The following SYN3 variants were observed in gnomAD, a reference collection of about 807,000 sequenced individuals.
The protein encoded by SYN3 is synapsin-3.
A neutral mutation model predicts 65.8 loss-of-function variants in SYN3; 35 were observed. The ratio of observed to expected loss-of-function variants is 0.53; its 90% confidence interval spans 0.41 to 0.70. The LOEUF (loss-of-function observed/expected upper bound fraction) is 0.70. SYN3 is among the 30% of genes least tolerant of loss of function. SYN3 has a pLI of 0.00. For synonymous variants in SYN3, 270 were observed against 292.9 expected (o/e 0.92, Z 0.80); for missense variants, 680 against 749.0 (o/e 0.91, Z 1.08).
At chr22:32,547,156 C>T (rs901158366) in intron 7 of SYN3, among the ~76,000 whole-genome samples, 4 of 151,752 alleles carry the variant, frequency 2.6e-5, no homozygotes, top group East Asian at 1.9e-4. Context: ...TTTTCTTTGT[C>T]GTATTTTTTG....
intron 6 of SYN3, among the ~76,000 whole-genome samples, chr22:32,620,416 CTT>C (rs2059578061): frequency 6.6e-6 from 1 of 152,044 alleles, no homozygotes; most frequent in Non-Finnish European, 1.5e-5. Flanking sequence ...CTCAGTTTGC[CTT>C]TTGTTTCTTC....
At chr22:32,964,738 C>G (rs2051773332) in intron 3 of SYN3, among the ~76,000 whole-genome samples, 1 of 152,164 alleles carries the variant, frequency 6.6e-6, no homozygotes, top group Non-Finnish European at 1.5e-5. Context: ...AAAAGCACAT[C>G]ACTGAACTAA....
intron 2 of SYN3, among the ~76,000 whole-genome samples, chr22:33,004,950 T>TG (rs201768025): frequency 0.015 from 2,229 of 152,258 alleles, 57 homozygotes; most frequent in African/African-American, 0.051. Flanking sequence ...ATTTGAATCC[T>TG]GGGGGTGGTT....
intron 7 of SYN3, among the ~76,000 whole-genome samples, chr22:32,575,314 G>A (rs190304537): frequency 1.3e-5 from 2 of 152,354 alleles, no homozygotes; most frequent in African/African-American, 4.8e-5. Flanking sequence ...CCCAATACTT[G>A]TGATTCCATG....
At chr22:33,023,606 C>T (rs2053593663) in intron 1 of SYN3, among the ~76,000 whole-genome samples, 1 of 152,130 alleles carries the variant, frequency 6.6e-6, no homozygotes, top group African/African-American at 2.4e-5. Context: ...GTCGCAGCAA[C>T]TCAGGAGGCT....
chr22:32,694,389 T>G (rs1033622778), intron 6 of SYN3, among the ~76,000 whole-genome samples: 1 of 152,196 alleles, frequency 6.6e-6, no homozygotes, highest in African/African-American at 2.4e-5. Flanking sequence ...CTGTTTAGCC[T>G]TAGTTTGGTA....
At chr22:32,897,882 C>T (rs931254059) in intron 4 of SYN3, among the ~76,000 whole-genome samples, 15 of 152,130 alleles carry the variant, frequency 9.9e-5, no homozygotes, top group African/African-American at 1.2e-4. Context: ...TGCAGTGGTG[C>T]GATCACAGCT....
intron 6 of SYN3, among the ~76,000 whole-genome samples, chr22:32,637,740 C>T (rs1342495793): frequency 2.7e-5 from 4 of 147,608 alleles, no homozygotes; most frequent in African/African-American, 7.5e-5. Flanking sequence ...AAGGCTTAAG[C>T]GACTCTCCTG....
At chr22:32,994,290 C>T (rs913243755) in intron 2 of SYN3, among the ~76,000 whole-genome samples, 2 of 152,034 alleles carry the variant, frequency 1.3e-5, no homozygotes, top group African/African-American at 4.8e-5. Context: ...CCCCAGACAC[C>T]AGGGCCAGGA....
Position 32,900,092 on chromosome 22 carries a change from A to C in SYN3, c.462-30967T>G, listed in dbSNP as rs1377740843. Among the ~76,000 whole-genome samples the C allele has an allele frequency of 1.3e-5, 2 of 151,722 alleles. 1 individual carries two copies. Among genetic ancestry groups the C allele is most frequent in the Non-Finnish European group, 2.9e-5 (2 of 67,964 alleles). On this transcript the variant is annotated intron_variant, in intron 4 of 13. Coordinates refer to ENST00000358763, the MANE Select transcript of SYN3 (RefSeq NM_003490.4). ...TCCGTCTCAAAAAAAAAAAAAAAAA[A>C]AACAAGGAAGTCAGATGGTATACTT...
intron 7 of SYN3, among the ~76,000 whole-genome samples, chr22:32,570,591 G>A (rs928748241): frequency 6.6e-6 from 1 of 151,300 alleles, no homozygotes; most frequent in African/African-American, 2.4e-5. Flanking sequence ...GAGGGAGAGG[G>A]TGGGGTGCTG....
intron 6 of SYN3, among the ~76,000 whole-genome samples, chr22:32,615,497 G>C (rs2146713291): frequency 6.6e-6 from 1 of 151,458 alleles, no homozygotes; most frequent in South Asian, 2.1e-4. Context: ...AGTCAGGGAG[G>C]GAACAACAGG....
In SYN3 at chr22:32,895,482, A is replaced by G. The variant is rs144888461; in HGVS notation, c.462-26357T>C. Among the ~76,000 whole-genome samples, 47 of 152,340 alleles carry G rather than the reference A, an allele frequency of 3.1e-4. No individual in the cohort carries two copies. In the East Asian group the frequency reaches 8.7e-3, roughly 28 times the overall value. On this transcript the variant is annotated intron_variant, in intron 4 of 13. Transcript: ENST00000358763. ...GACTAATACAGACAGTATAGTATTG[A>G]GCATGATAACAAAATGCCAATAATC...
intron 6 of SYN3, among the ~76,000 whole-genome samples, chr22:32,758,705 T>TATATATATATATATATA (rs1277216646): frequency 1.5e-3 from 162 of 109,576 alleles, no homozygotes; most frequent in Non-Finnish European, 2.0e-3. Context: ...TATATATGTC[T>TATATATATATATATATA]TATTAGTTCT....
intron 2 of SYN3, among the ~76,000 whole-genome samples, chr22:32,982,899 G>A (rs2052412856): frequency 6.6e-6 from 1 of 152,132 alleles, no homozygotes; most frequent in South Asian, 2.1e-4. Flanking sequence ...ACTTACAGAT[G>A]AAGAAACTGA....
At chr22:32,714,118 T>C (rs573103211) in intron 6 of SYN3, among the ~76,000 whole-genome samples, 12 of 152,278 alleles carry the variant, frequency 7.9e-5, no homozygotes, top group Non-Finnish European at 1.8e-4. Context: ...TAAGGTTAGC[T>C]TTTCCATGGA....
intron 6 of SYN3, among the ~76,000 whole-genome samples, chr22:32,706,289 A>G (rs540412967): frequency 2.5e-4 from 38 of 152,352 alleles, no homozygotes; most frequent in African/African-American, 9.1e-4. Flanking sequence ...ACAGTGAAAC[A>G]AAGAGGAATT....
chr22:33,038,366 C>T (rs1423277347), intron 1 of SYN3, among the ~76,000 whole-genome samples: 3 of 152,206 alleles, frequency 2.0e-5, no homozygotes, highest in Admixed American at 6.5e-5. Context: ...TGCGGCGCTG[C>T]CTCCTCCAGC....
chr22:32,911,785 C>T (rs947128832), intron 4 of SYN3, among the ~76,000 whole-genome samples: 2 of 152,120 alleles, frequency 1.3e-5, no homozygotes, highest in African/African-American at 2.4e-5. Flanking sequence ...TCTCCTCTGA[C>T]CCTTGAACCA....
Sources: gnomAD v4.1 joint callset for allele counts (sites outside exome capture counted in the v4.1 genomes callset) on GRCh38, gnomAD v4.1.1 for gene constraint, MANE v1.5 for transcripts, NCBI Gene and HGNC (gene_info 2026-07-23, HGNC 2026-07-21) for gene names.